Variants in MAML2 observed in about 807,000 individuals in gnomAD.
MAML2 encodes mastermind like transcriptional coactivator 2.
Under a neutral mutation model 96.1 loss-of-function variants are expected in MAML2, and 22 were observed. The ratio of observed to expected loss-of-function variants is 0.23; its 90% CI spans 0.16 to 0.33. The LOEUF (loss-of-function observed/expected upper bound fraction) is 0.33, where lower values mean the gene tolerates loss of function less well. MAML2 is among the 10% of genes least tolerant of loss of function. The pLI is 1.00. For synonymous variants in MAML2, 561 were observed against 521.3 expected (o/e 1.08, Z -1.04); for missense variants, 1,367 against 1,392.4 (o/e 0.98, Z 0.29).
At chr11:96,180,746 G>T (rs1019871081) in intron 1 of MAML2, among the ~76,000 whole-genome samples, 2 of 152,084 alleles carry the variant, frequency 1.3e-5, no homozygotes, top group African/African-American at 4.8e-5. Flanking sequence ...ACCTTCATGT[G>T]TGTCCGTGTG....
intron 1 of MAML2, among the ~76,000 whole-genome samples, chr11:96,249,375 T>C (rs924271059): frequency 1.3e-5 from 2 of 152,172 alleles, no homozygotes; most frequent in Non-Finnish European, 2.9e-5. Flanking sequence ...AATACATAAA[T>C]GTACACTTTT....
intron 2 of MAML2, among the ~76,000 whole-genome samples, chr11:96,042,704 T>C (rs2509101): frequency 0.067 from 10,199 of 151,740 alleles, 493 homozygotes; most frequent in African/African-American, 0.13. Flanking sequence ...AATGAAGTCC[T>C]TGTTAAGATG....
chr11:96,040,633 G>T (rs1056636242), intron 2 of MAML2, among the ~76,000 whole-genome samples: 5 of 152,126 alleles, frequency 3.3e-5, no homozygotes, highest in Admixed American at 2.6e-4. Flanking sequence ...TGGGCATGGT[G>T]GTGGGCGCCT....
In MAML2 at chr11:96,270,789, C is replaced by T. The variant is rs771222436; in HGVS notation, c.513+70594G>A. Among the ~76,000 whole-genome samples, 78 of 152,262 alleles carry T rather than the reference C, an allele frequency of 5.1e-4. 1 individual carries two copies. Among genetic ancestry groups the T allele is most frequent in the Non-Finnish European group, 3.7e-4 (25 of 68,024 alleles). Reference sequence around the variant, plus strand: ...TGGTTAACATTAACTGTTAATTTGACTGGATTGAAAGATGCAAAAGTATTG... The same window carrying T: ...TGGTTAACATTAACTGTTAATTTGATTGGATTGAAAGATGCAAAAGTATTG... On this transcript the variant is annotated intron_variant, in intron 1 of 4. Transcript: ENST00000524717.
chr11:96,312,694 A>G (rs949710851), intron 1 of MAML2, among the ~76,000 whole-genome samples: 3 of 152,202 alleles, frequency 2.0e-5, no homozygotes, highest in Admixed American at 2.0e-4. Flanking sequence ...CATAAAATTT[A>G]CCATTTTAAT....
intron 1 of MAML2, among the ~76,000 whole-genome samples, chr11:96,148,984 G>A (rs1695585089): frequency 6.6e-6 from 1 of 152,210 alleles, no homozygotes; most frequent in African/African-American, 2.4e-5. Flanking sequence ...TATTGCTTAA[G>A]GCGGCATCTT....
chr11:96,207,214 C>T (rs117459530), intron 1 of MAML2, among the ~76,000 whole-genome samples: 226 of 152,286 alleles, frequency 1.5e-3, no homozygotes, highest in Non-Finnish European at 2.5e-3. Flanking sequence ...GTTGTGTGCT[C>T]TTTCTGCTGG....
intron 1 of MAML2, among the ~76,000 whole-genome samples, chr11:96,275,468 G>T (rs1044053176): frequency 2.0e-5 from 3 of 151,952 alleles, no homozygotes; most frequent in African/African-American, 7.2e-5. Context: ...AGTAGAGATG[G>T]CCGTGTTAGC....
At chr11:96,158,974 T>C (rs1218593927) in intron 1 of MAML2, among the ~76,000 whole-genome samples, 1 of 152,196 alleles carries the variant, frequency 6.6e-6, no homozygotes, top group Non-Finnish European at 1.5e-5. Context: ...CTGTTTCCTA[T>C]TAACTAGTGG....
intron 1 of MAML2, among the ~76,000 whole-genome samples, chr11:96,323,611 T>C (rs1863738293): frequency 6.6e-6 from 1 of 152,234 alleles, no homozygotes; most frequent in Admixed American, 6.5e-5. Flanking sequence ...ATAAATAGAT[T>C]TGAGGCCCAC....
chr11:96,341,948 A>T lies in MAML2; in HGVS notation c.-53T>A. On this transcript the variant is annotated 5_prime_UTR_variant, in exon 1 of 5. Transcript: ENST00000524717. The stretch of plus-strand genomic sequence containing the variant: ...TGGGATGGTGAGGTGGAAAGAGGCT[A>T]CTGCTGGCTATTGCAGGCAAGTCTG... 1 of 1,449,906 alleles carries T rather than the reference A, an allele frequency of 6.9e-7. No individual in the cohort carries two copies. The highest frequency in any genetic ancestry group is 1.4e-5 in the South Asian group (1 of 70,886). 89.8% of individuals were successfully genotyped at this position (1,449,906 alleles called of 1,614,324 possible).
intron 1 of MAML2, among the ~76,000 whole-genome samples, chr11:96,141,358 C>T (rs1860727491): frequency 6.6e-6 from 1 of 152,090 alleles, no homozygotes; most frequent in Non-Finnish European, 1.5e-5. Context: ...TACCAGGACC[C>T]TTGACATCTC....
chr11:96,276,613 G>C (rs1862990993), intron 1 of MAML2, among the ~76,000 whole-genome samples: 1 of 152,134 alleles, frequency 6.6e-6, no homozygotes, highest in Non-Finnish European at 1.5e-5. Context: ...AATTGAGGCA[G>C]AGCATAAGAA....
At chr11:95,982,774 A>G (rs576755366) in intron 4 of MAML2, among the ~76,000 whole-genome samples, 2 of 152,280 alleles carry the variant, frequency 1.3e-5, no homozygotes, top group African/African-American at 4.8e-5. Flanking sequence ...TGGTCAATGA[A>G]GGACTGCATG....
intron 2 of MAML2, among the ~76,000 whole-genome samples, chr11:96,008,231 G>C (rs537045928): frequency 3.2e-5 from 2 of 62,518 alleles, no homozygotes; most frequent in African/African-American, 1.3e-4. Context: ...ATTTGGGTAG[G>C]TTGGTTGTAT....
At chr11:95,989,657 G>A (rs192148959) in intron 3 of MAML2, among the ~76,000 whole-genome samples, 61 of 127,570 alleles carry the variant, frequency 4.8e-4, no homozygotes, top group African/African-American at 2.2e-3. Context: ...AATGGGAGGG[G>A]AAGGGAACAG....
intron 1 of MAML2, among the ~76,000 whole-genome samples, chr11:96,337,141 T>C (rs934636382): frequency 8.5e-5 from 13 of 152,204 alleles, no homozygotes; most frequent in African/African-American, 3.1e-4. Flanking sequence ...AGATAAGAAT[T>C]CTCCTTTTTT....
At chr11:96,009,027 G>A (rs1858228873) in intron 2 of MAML2, among the ~76,000 whole-genome samples, 1 of 152,074 alleles carries the variant, frequency 6.6e-6, no homozygotes, top group Non-Finnish European at 1.5e-5. Flanking sequence ...CTTCATTTGG[G>A]GAAGGTGTTA....
intron 2 of MAML2, among the ~76,000 whole-genome samples, chr11:96,088,495 A>C (rs1205845506): frequency 6.6e-6 from 1 of 152,226 alleles, no homozygotes; most frequent in African/African-American, 2.4e-5. Context: ...ACTGACTTGA[A>C]GATAAATCAG....
Sources: allele counts gnomAD v4.1 joint callset (sites outside exome capture counted in the v4.1 genomes callset), GRCh38; gene constraint gnomAD v4.1.1; transcripts MANE v1.5; gene names NCBI Gene and HGNC (gene_info 2026-07-23, HGNC 2026-07-21).